Variants in SOAT1 observed in about 807,000 individuals in gnomAD.
SOAT1 encodes the protein acyl-coenzyme A:cholesterol acyltransferase 1.
Under a neutral mutation model 69.5 loss-of-function variants are expected in SOAT1, and 55 were observed. The observed-to-expected ratio is 0.79, with a 90% CI of 0.64 to 0.99. SOAT1 has a LOEUF of 0.99. SOAT1 is among the 50% of genes least tolerant of loss of function. SOAT1 has a pLI of 0.00. For synonymous variants in SOAT1, 231 were observed against 224.7 expected (o/e 1.03, Z -0.25); for missense variants, 580 against 669.3 (o/e 0.87, Z 1.47).
chr1:179,338,230 T>C (rs757118187), intron 5 of SOAT1, among the ~76,000 whole-genome samples: 1 of 151,964 alleles, frequency 6.6e-6, no homozygotes, highest in Admixed American at 6.6e-5. Context: ...CTACAAAAAA[T>C]ACAAAAAATT....
intron 3 of SOAT1, among the ~76,000 whole-genome samples, chr1:179,334,281 G>T (rs1045030778): frequency 1.3e-5 from 2 of 152,168 alleles, no homozygotes; most frequent in African/African-American, 2.4e-5. Context: ...TTAGAAGTTA[G>T]AAGTTATATT....
At chr1:179,322,057 C>CT (rs1001244914) in intron 2 of SOAT1, among the ~76,000 whole-genome samples, 2 of 151,328 alleles carry the variant, frequency 1.3e-5, no homozygotes, top group African/African-American at 2.4e-5. Flanking sequence ...AATTTTAAAA[C>CT]TTTTTTTTGT....
At position 179,353,651 on chromosome 1, in the gene SOAT1, C is replaced by T. The variant is rs776814243; in HGVS notation, c.*10C>T. 3 of 1,610,386 alleles carry T rather than the reference C, an allele frequency of 1.9e-6. No homozygotes were observed. The South Asian group carries it at 3.3e-5, about 18-fold the overall frequency. On this transcript the variant is annotated 3_prime_UTR_variant, in exon 16 of 16. Coordinates refer to ENST00000367619, the MANE Select transcript of SOAT1 (RefSeq NM_003101.6). The stretch of plus-strand genomic sequence containing the variant: ...TCGTTACGTGTTTTAGAAGCTTGGA[C>T]TTTGTTTCCTCCTTGTCACTGAAGA...
At chr1:179,317,520 G>A (rs1217304999) in intron 2 of SOAT1, among the ~76,000 whole-genome samples, 8 of 131,298 alleles carry the variant, frequency 6.1e-5, no homozygotes, top group East Asian at 4.9e-4. Flanking sequence ...GTGACAGAGC[G>A]AGACTCCGTC....
At chr1:179,306,838 A>AT (rs796861701) in intron 2 of SOAT1, among the ~76,000 whole-genome samples, 1 of 151,384 alleles carries the variant, frequency 6.6e-6, no homozygotes, top group African/African-American at 2.4e-5. Flanking sequence ...CTCAAAAAAA[A>AT]AAAAAAAAAA....
chr1:179,308,390 G>A (rs1665093810), intron 2 of SOAT1, among the ~76,000 whole-genome samples: 1 of 152,036 alleles, frequency 6.6e-6, no homozygotes, highest in African/African-American at 2.4e-5. Context: ...GTTCCCAGAT[G>A]GCCGGGCACG....
intron 3 of SOAT1, among the ~76,000 whole-genome samples, chr1:179,325,814 A>G (rs143416951): frequency 5.1e-4 from 77 of 152,280 alleles, no homozygotes; most frequent in African/African-American, 1.7e-3. Flanking sequence ...GGGATGTTCC[A>G]AGGATTTAAG....
At chr1:179,327,397 G>T (rs549459400) in intron 3 of SOAT1, among the ~76,000 whole-genome samples, 18 of 152,060 alleles carry the variant, frequency 1.2e-4, no homozygotes, top group African/African-American at 4.3e-4. Context: ...TGTCTCCAAG[G>T]TCCCTTTTAG....
At chr1:179,333,622 C>T (rs60595009) in intron 3 of SOAT1, among the ~76,000 whole-genome samples, 32,957 of 151,874 alleles carry the variant, frequency 0.22, 4,575 homozygotes, top group East Asian at 0.38. Context: ...GGGCGAATCA[C>T]CTGAGGTTCG....
chr1:179,327,878 G>A (rs538231555), intron 3 of SOAT1, among the ~76,000 whole-genome samples: 6 of 152,218 alleles, frequency 3.9e-5, no homozygotes, highest in Admixed American at 1.3e-4. Context: ...TCTTAAGGTC[G>A]CCTCGAGGTC....
intron 2 of SOAT1, among the ~76,000 whole-genome samples, chr1:179,309,956 A>G (rs1053388702): frequency 3.3e-5 from 5 of 151,748 alleles, no homozygotes; most frequent in Non-Finnish European, 7.4e-5. Context: ...GTGGAGTGCA[A>G]TGGCGTGATC....
rs1236343156 is a variant in SOAT1 at position 179,342,249 on chromosome 1, C to CCTATT, written c.859+58_859+59insTATTC. ...CTCCCCTCCCCTCCTCTCCCCCCAC[C>CCTATT]CCATTCCCTTCCCTTCCCTTCCCTT... On this transcript the variant is annotated intron_variant, in intron 8 of 15. Coordinates refer to ENST00000367619, the MANE Select transcript of SOAT1 (RefSeq NM_003101.6). 2.6e-6 allele frequency: 3 copies of CCTATT among 1,165,272 alleles called. No homozygotes were observed. In the African/African-American group the frequency reaches 4.9e-5, roughly 19 times the overall value. The allele number at this position is 1,165,272 out of a possible 1,614,324, so 72.2% of individuals were successfully genotyped here. A position where few individuals can be genotyped will look rare whatever the true frequency, so the allele number is the denominator to read the frequency against.
intron 1 of SOAT1, among the ~76,000 whole-genome samples, chr1:179,298,755 A>T (rs1324003524): frequency 6.6e-6 from 1 of 152,200 alleles, no homozygotes; most frequent in African/African-American, 2.4e-5. Flanking sequence ...TCATTATCTC[A>T]TGTAATTTAT....
intron 2 of SOAT1, among the ~76,000 whole-genome samples, chr1:179,322,628 A>G (rs1225969334): frequency 6.6e-6 from 1 of 152,178 alleles, no homozygotes; most frequent in Non-Finnish European, 1.5e-5. Context: ...AGTAGCCTGG[A>G]GACCCGACTT....
intron 3 of SOAT1, among the ~76,000 whole-genome samples, chr1:179,327,010 G>A (rs1414220229): frequency 2.6e-4 from 39 of 152,192 alleles, no homozygotes; most frequent in Admixed American, 2.6e-3. Flanking sequence ...GAGCCAGTAG[G>A]AGAAGGGAAC....
intron 1 of SOAT1, among the ~76,000 whole-genome samples, chr1:179,295,827 T>C (rs1234787219): frequency 1.4e-5 from 2 of 137,952 alleles, no homozygotes; most frequent in Admixed American, 1.5e-4. Flanking sequence ...TTTTTTGAGA[T>C]GGAGTTTGGC....
intron 2 of SOAT1, among the ~76,000 whole-genome samples, chr1:179,319,605 T>C (rs78993991): frequency 0.22 from 33,026 of 152,104 alleles, 4,594 homozygotes; most frequent in East Asian, 0.38. Context: ...TATTTGTCTT[T>C]TTATTTTTTT....
chr1:179,314,890 G>T (rs1665339947), intron 2 of SOAT1, among the ~76,000 whole-genome samples: 2 of 152,156 alleles, frequency 1.3e-5, no homozygotes, highest in Admixed American at 1.3e-4. Context: ...ATGAAGATAA[G>T]TATTGCAAGC....
At chr1:179,301,011 C>T (rs1664815081) in intron 1 of SOAT1, among the ~76,000 whole-genome samples, 1 of 152,120 alleles carries the variant, frequency 6.6e-6, no homozygotes, top group Non-Finnish European at 1.5e-5. Flanking sequence ...AGGAGAATTG[C>T]CTGAACCCAG....
Sources: gnomAD v4.1 joint callset for allele counts (sites outside exome capture counted in the v4.1 genomes callset) on GRCh38, gnomAD v4.1.1 for gene constraint, MANE v1.5 for transcripts, NCBI Gene and HGNC (gene_info 2026-07-23, HGNC 2026-07-21) for gene names.